Variants in AGTPBP1 observed in about 807,000 individuals in gnomAD.
AGTPBP1 encodes the protein ATP/GTP binding carboxypeptidase 1.
AGTPBP1 carries 70 observed loss-of-function variants against 143.9 expected under a neutral mutation model. That is an observed-to-expected ratio of 0.49 (90% CI 0.40 to 0.59). AGTPBP1 has a LOEUF of 0.59. Among genes scored for constraint, AGTPBP1 ranks in the 20% least tolerant of loss-of-function variants. The pLI, the probability that AGTPBP1 is intolerant of heterozygous loss-of-function variation, is 0.00. For missense variants in AGTPBP1, 1,229 were observed against 1,464.5 expected (o/e 0.84, Z 2.62); for synonymous variants, 463 against 500.2 (o/e 0.93, Z 0.99).
chr9:85,606,864 G>A (rs1830020579), intron 17 of AGTPBP1, among the ~76,000 whole-genome samples: 2 of 151,962 alleles, frequency 1.3e-5, no homozygotes, highest in Admixed American at 1.3e-4. Context: ...TCTCATGGAA[G>A]TAGAAATTAA....
intron 1 of AGTPBP1, among the ~76,000 whole-genome samples, chr9:85,718,458 A>G (rs546974015): frequency 1.3e-5 from 2 of 152,292 alleles, no homozygotes; most frequent in South Asian, 2.1e-4. Context: ...TTGACTGGAT[A>G]AATGTCTTCT....
intron 19 of AGTPBP1, among the ~76,000 whole-genome samples, chr9:85,591,998 A>G (rs1212126864): frequency 1.3e-5 from 2 of 152,180 alleles, no homozygotes; most frequent in Non-Finnish European, 2.9e-5. Flanking sequence ...GTTTCACACA[A>G]AACAACTCTT....
chr9:85,720,862 T>C (rs562371709), intron 1 of AGTPBP1, among the ~76,000 whole-genome samples: 94 of 152,358 alleles, frequency 6.2e-4, no homozygotes, highest in Middle Eastern at 6.8e-3. Flanking sequence ...TGGTACGTTG[T>C]GTCTTTGTTC....
chr9:85,684,864 C>T (rs1835394002), intron 3 of AGTPBP1, among the ~76,000 whole-genome samples: 1 of 151,538 alleles, frequency 6.6e-6, no homozygotes, highest in South Asian at 2.1e-4. Flanking sequence ...TTTAAAGCAG[C>T]TATTATAATA....
At chr9:85,622,272 T>A (rs990789342) in intron 14 of AGTPBP1, among the ~76,000 whole-genome samples, 1 of 152,168 alleles carries the variant, frequency 6.6e-6, no homozygotes, top group Non-Finnish European at 1.5e-5. Flanking sequence ...ACCAAAATAG[T>A]TTATAACAAA....
At chr9:85,630,227 T>A (rs1229615017) in intron 14 of AGTPBP1, among the ~76,000 whole-genome samples, 1 of 152,062 alleles carries the variant, frequency 6.6e-6, no homozygotes, top group Non-Finnish European at 1.5e-5. Flanking sequence ...CAAGGCACAA[T>A]GAGATATGCT....
the AGTPBP1 span, among the ~76,000 whole-genome samples, chr9:85,795,857 T>C: frequency 2.0e-5 from 1 of 50,378 alleles, no homozygotes; most frequent in Admixed American, 1.8e-4. Flanking sequence ...TTCTTCTTAG[T>C]TTTTTTTTTT....
At chr9:85,696,209 T>C (rs1174877067) in intron 2 of AGTPBP1, among the ~76,000 whole-genome samples, 1 of 152,180 alleles carries the variant, frequency 6.6e-6, no homozygotes, top group Non-Finnish European at 1.5e-5. Flanking sequence ...AAACAACTAA[T>C]AGATTTGTTG....
At chr9:85,724,662 A>G (rs1367781674) in intron 1 of AGTPBP1, among the ~76,000 whole-genome samples, 2 of 152,198 alleles carry the variant, frequency 1.3e-5, no homozygotes, top group Non-Finnish European at 2.9e-5. Context: ...CTAAGACTTC[A>G]CTGGCCACTA....
chr9:85,634,679 A>C (rs1313511139), intron 13 of AGTPBP1, among the ~76,000 whole-genome samples: 1 of 152,204 alleles, frequency 6.6e-6, no homozygotes, highest in African/African-American at 2.4e-5. Context: ...CAGATAAATA[A>C]GGTGTATATT....
the AGTPBP1 span, among the ~76,000 whole-genome samples, chr9:85,765,511 G>A: frequency 3.8e-4 from 58 of 151,980 alleles, no homozygotes; most frequent in Non-Finnish European, 7.4e-4. Context: ...TATAGTTTTA[G>A]TTATAGTTTT....
intron 2 of AGTPBP1, among the ~76,000 whole-genome samples, chr9:85,702,869 T>C (rs565166735): frequency 6.3e-4 from 96 of 152,278 alleles, no homozygotes; most frequent in African/African-American, 2.3e-3. Flanking sequence ...GTTTACATAA[T>C]TGTTGAATAG....
intron 4 of AGTPBP1, among the ~76,000 whole-genome samples, chr9:85,680,229 T>G (rs1835085200): frequency 6.6e-6 from 1 of 152,232 alleles, no homozygotes; most frequent in South Asian, 2.1e-4. Context: ...CTCATTTATC[T>G]TCATTCTCAG....
At chr9:85,653,142 G>T (rs751631263) in intron 11 of AGTPBP1, among the ~76,000 whole-genome samples, 2 of 151,604 alleles carry the variant, frequency 1.3e-5, no homozygotes, top group Admixed American at 1.3e-4. Context: ...AGAGGCAAGG[G>T]CATGTAGTCC....
chr9:85,742,087 T>G, upstream of AGTPBP1: 2 of 1,075,806 alleles, frequency 1.9e-6, no homozygotes, highest in Non-Finnish European at 2.3e-6. Context: ...GCACGCCCTC[T>G]TCCCGCCGCG....
At chr9:85,663,287 T>C (rs1487864259) in intron 8 of AGTPBP1, among the ~76,000 whole-genome samples, 1 of 152,116 alleles carries the variant, frequency 6.6e-6, no homozygotes, top group African/African-American at 2.4e-5. Flanking sequence ...CCACATCTAG[T>C]ATTCACACAG....
At chr9:85,625,909 T>TTG (rs144207360) in intron 14 of AGTPBP1, among the ~76,000 whole-genome samples, 20,712 of 135,342 alleles carry the variant, frequency 0.15, 2,207 homozygotes, top group East Asian at 0.5. Flanking sequence ...GTTTTGTTTT[T>TTG]TTTTTTTTTT....
At chr9:85,658,830 A>T (rs1017264740) in intron 9 of AGTPBP1, among the ~76,000 whole-genome samples, 1 of 152,164 alleles carries the variant, frequency 6.6e-6, no homozygotes, top group African/African-American at 2.4e-5. Flanking sequence ...AAGGCTTTAA[A>T]CCCAGTATTG....
intron 25 of AGTPBP1, among the ~76,000 whole-genome samples, chr9:85,566,321 A>G (rs1827088084): frequency 6.6e-6 from 1 of 151,176 alleles, no homozygotes; most frequent in Non-Finnish European, 1.5e-5. Context: ...GGAGTTCAAA[A>G]CCACCTGGGC....
Sources: allele counts gnomAD v4.1 joint callset (sites outside exome capture counted in the v4.1 genomes callset), GRCh38; gene constraint gnomAD v4.1.1; transcripts MANE v1.5; gene names NCBI Gene and HGNC (gene_info 2026-07-23, HGNC 2026-07-21).